The following TPST1 variants were observed in gnomAD, a reference collection of about 807,000 sequenced individuals.
The protein encoded by TPST1 is protein-tyrosine sulfotransferase 1.
A neutral mutation model predicts 34.8 loss-of-function variants in TPST1; 20 were observed. The ratio of observed to expected loss-of-function variants is 0.57; its 90% CI spans 0.40 to 0.84. TPST1 has a LOEUF of 0.84. Ranked by LOEUF, TPST1 falls within the 40% of genes least tolerant of loss-of-function variation. The pLI is 0.00. For synonymous variants in TPST1, 152 were observed against 159.4 expected, an observed-to-expected ratio of 0.95 and a Z score of 0.35; for missense variants, 353 against 455.5, an observed-to-expected ratio of 0.78 and a Z score of 2.05.
intron 2 of TPST1, among the ~76,000 whole-genome samples, chr7:66,242,122 A>G (rs1026028522): frequency 2.0e-5 from 3 of 152,102 alleles, no homozygotes; most frequent in Admixed American, 6.6e-5. Flanking sequence ...TGACTTATAT[A>G]CCTGGAATGA....
At chr7:66,240,254 G>T in intron 1 of TPST1, 71 bp from the exon 2 acceptor site, 1 of 758,812 alleles carries the variant, frequency 1.3e-6, no homozygotes, top group Non-Finnish European at 2.1e-6. Context: ...AAAATGCAGT[G>T]GTGATAACTG....
chr7:66,345,921 CTTCT>C (rs1192502643), intron 3 of TPST1, among the ~76,000 whole-genome samples: 1 of 151,814 alleles, frequency 6.6e-6, no homozygotes. Flanking sequence ...GATTTTATTC[CTTCT>C]ATCTAATAAT....
intron 1 of TPST1, among the ~76,000 whole-genome samples, chr7:66,226,201 T>C (rs1789653194): frequency 6.6e-6 from 1 of 152,086 alleles, no homozygotes. Flanking sequence ...ACCTGTTTTT[T>C]TGTAGGTTCA....
At chr7:66,199,151 C>A in the TPST1 span, among the ~76,000 whole-genome samples, 1 of 152,194 alleles carries the variant, frequency 6.6e-6, no homozygotes, top group Non-Finnish European at 1.5e-5. Flanking sequence ...CGGCTCCTGG[C>A]TCCCGTGCCC....
intron 3 of TPST1, among the ~76,000 whole-genome samples, chr7:66,321,477 A>T (rs902403777): frequency 3.9e-5 from 6 of 152,246 alleles, no homozygotes; most frequent in Non-Finnish European, 8.8e-5. Context: ...GGCCTCAGAC[A>T]CATGAAACAT....
rs566741708 is a variant in TPST1, at chr7:66,253,766, G to A, written c.845+12496G>A. ...AAATGTCTTCGAGTTAGCCAGGCGC[G>A]GTGGCTTATGCCTATAATCCCAGCA... On this transcript the variant is annotated intron_variant, in intron 2 of 5. Coordinates refer to ENST00000304842, the MANE Select transcript of TPST1 (RefSeq NM_003596.4). 7.3e-5 allele frequency among the ~76,000 whole-genome samples: 11 copies of A among 151,632 alleles called. No homozygotes were observed. The East Asian group carries it at 1.6e-3, about 22-fold the overall frequency.
chr7:66,312,403 C>CTT (rs1482565030), intron 3 of TPST1, among the ~76,000 whole-genome samples: 3 of 152,102 alleles, frequency 2.0e-5, no homozygotes, highest in Non-Finnish European at 4.4e-5. Flanking sequence ...ATGTTTAACT[C>CTT]TTAAAAAACA....
chr7:66,332,361 G>T lies in TPST1; in HGVS notation c.1045-20144G>T, dbSNP rs998951614. The stretch of plus-strand genomic sequence containing the variant: ...CAGCTCACTGCAACGTCCGTCTCCT[G>T]AGTTCAAGCGATTCTCCTGCCTCAG... On this transcript the variant is annotated intron_variant, in intron 3 of 5. Transcript: ENST00000304842. The surrounding 1 kb of genome is among the most constrained non-coding windows in gnomAD (Gnocchi z 4.5). 2.6e-5 allele frequency among the ~76,000 whole-genome samples: 4 copies of T among 151,552 alleles called. No homozygotes were observed. Among genetic ancestry groups the T allele is most frequent in the African/African-American group, 7.3e-5 (3 of 41,226 alleles).
intron 1 of TPST1, chr7:66,206,060 C>G (rs762181036): frequency 6.6e-6 from 1 of 152,394 alleles, no homozygotes; most frequent in Non-Finnish European, 1.5e-5. Context: ...GCAATCTCCT[C>G]TTCCTTCTCT....
At chr7:66,348,119 C>T (rs1349620878) in intron 3 of TPST1, among the ~76,000 whole-genome samples, 1 of 152,130 alleles carries the variant, frequency 6.6e-6, no homozygotes, top group Non-Finnish European at 1.5e-5. Context: ...CCCTCACATC[C>T]CACATCCTAT....
intron 2 of TPST1, among the ~76,000 whole-genome samples, chr7:66,249,585 A>T (rs1267985513): frequency 6.6e-6 from 1 of 152,192 alleles, no homozygotes; most frequent in African/African-American, 2.4e-5. Flanking sequence ...AGGCCCAAGA[A>T]CTTGCGCTTC....
intron 3 of TPST1, among the ~76,000 whole-genome samples, chr7:66,322,135 A>G (rs186882901): frequency 5.3e-5 from 8 of 152,178 alleles, no homozygotes; most frequent in African/African-American, 1.9e-4. Flanking sequence ...CTTTTTTCCA[A>G]TTCAAGTCCT....
intron 3 of TPST1, among the ~76,000 whole-genome samples, chr7:66,329,411 A>C (rs974606169): frequency 6.6e-6 from 1 of 151,712 alleles, no homozygotes; most frequent in Admixed American, 6.5e-5. Context: ...TTCTCTGTGC[A>C]TATGTATACT....
chr7:66,274,366 GAA>G (rs767132312), intron 2 of TPST1, among the ~76,000 whole-genome samples: 2 of 131,938 alleles, frequency 1.5e-5, no homozygotes, highest in African/African-American at 2.8e-5. Context: ...GACTCCGTCT[GAA>G]AAAAAAAAAA....
intron 1 of TPST1, among the ~76,000 whole-genome samples, chr7:66,214,803 TAAAA>T (rs1004589174): frequency 3.4e-5 from 5 of 147,146 alleles, no homozygotes; most frequent in Non-Finnish European, 7.5e-5. Flanking sequence ...AGACCCTGCC[TAAAA>T]AAAAAGCCAC....
chr7:66,279,452 G>T (rs1584202732), intron 2 of TPST1, among the ~76,000 whole-genome samples: 2 of 152,154 alleles, frequency 1.3e-5, no homozygotes, highest in African/African-American at 4.8e-5. Flanking sequence ...ATCCAGTAAG[G>T]GGGTTACTGG....
the TPST1 span, among the ~76,000 whole-genome samples, chr7:66,199,086 C>A: frequency 6.6e-6 from 1 of 152,140 alleles, no homozygotes; most frequent in Non-Finnish European, 1.5e-5. Context: ...GTCTCCCTGG[C>A]CTTTCCTGGC....
upstream of TPST1, among the ~76,000 whole-genome samples, chr7:66,202,332 T>A (rs1789042653): frequency 6.6e-6 from 1 of 152,182 alleles, no homozygotes. Flanking sequence ...AGTCCCCGGA[T>A]CACCTGAAGC....
intron 1 of TPST1, among the ~76,000 whole-genome samples, chr7:66,207,296 A>G (rs1454428004): frequency 6.6e-6 from 1 of 152,044 alleles, no homozygotes; most frequent in South Asian, 2.1e-4. Context: ...CCTTCTCTTC[A>G]TTGCTTATTT....
Sources: gnomAD v4.1 joint callset for allele counts (sites outside exome capture counted in the v4.1 genomes callset) on GRCh38, gnomAD v4.1.1 for gene constraint, Gnocchi (gnomAD v3.1) non-coding constraint, MANE v1.5 for transcripts, NCBI Gene and HGNC (gene_info 2026-07-23, HGNC 2026-07-21) for gene names.